The following FRMD4A variants were observed in gnomAD, a reference collection of about 807,000 sequenced individuals.
The protein encoded by FRMD4A is FERM domain-containing protein 4A.
A neutral mutation model predicts 129.1 loss-of-function variants in FRMD4A; 29 were observed. The observed-to-expected ratio is 0.22, with a 90% CI of 0.17 to 0.31. The LOEUF is 0.31. Ranked by LOEUF, FRMD4A falls within the 10% of genes least tolerant of loss-of-function variation. The pLI is 1.00. For missense variants in FRMD4A, 1,272 were observed against 1,375.8 expected (o/e 0.92, Z 1.19); for synonymous variants, 634 against 571.6 (o/e 1.11, Z -1.56).
Position 13,659,489 on chromosome 10 carries a change from T to G in FRMD4A, c.1900A>C (p.Ser634Arg). The G allele has an allele frequency of 6.2e-7, 1 of 1,611,842 alleles. No individual in the cohort carries two copies. Among genetic ancestry groups the G allele is most frequent in the Non-Finnish European group, 8.5e-7 (1 of 1,178,834 alleles). ...CCTGTGCTGGGGAAGCGCTTGTGGC[T>G]GCTGCAAAGCCAAGGATGCCACGTG... is the stretch of plus-strand genomic sequence containing the variant. ...KKRSSHSHSS[S>R]HKRFPSTGSC... Residue 634 changes from serine (S) to arginine (R), a missense_variant and splice_region_variant, in exon 21 of 25, where the codon AGC (serine) becomes CGC (arginine). Coordinates refer to ENST00000357447, the MANE Select transcript of FRMD4A (RefSeq NM_018027.5).
chr10:13,963,127 G>A (rs1027919258), intron 2 of FRMD4A, among the ~76,000 whole-genome samples: 4 of 152,148 alleles, frequency 2.6e-5, no homozygotes, highest in African/African-American at 9.7e-5. Context: ...AAGCACACCA[G>A]TAGAAATGCA....
chr10:13,746,555 A>G (rs1158379464), intron 9 of FRMD4A, among the ~76,000 whole-genome samples: 2 of 152,202 alleles, frequency 1.3e-5, no homozygotes, highest in Non-Finnish European at 2.9e-5. Flanking sequence ...CACACGAATC[A>G]GTGAACAACT....
chr10:14,016,511 C>G (rs529599233), intron 2 of FRMD4A, among the ~76,000 whole-genome samples: 1 of 152,324 alleles, frequency 6.6e-6, no homozygotes, highest in South Asian at 2.1e-4. Context: ...GCTATAAGGT[C>G]CACGTTTCAT....
At chr10:13,680,321 A>C (rs2084431748) in intron 15 of FRMD4A, among the ~76,000 whole-genome samples, 1 of 151,920 alleles carries the variant, frequency 6.6e-6, no homozygotes, top group Non-Finnish European at 1.5e-5. Context: ...AAAAATTCTA[A>C]TTTCAAATCA....
chr10:14,051,982 G>A (rs1206794962), intron 2 of FRMD4A, among the ~76,000 whole-genome samples: 1 of 152,232 alleles, frequency 6.6e-6, no homozygotes, highest in Non-Finnish European at 1.5e-5. Context: ...GGTAACATGA[G>A]GTCACACTGG....
intron 20 of FRMD4A, among the ~76,000 whole-genome samples, 182 bp from the exon 21 acceptor site, chr10:13,659,672 C>T (rs557828279): frequency 6.6e-6 from 1 of 152,084 alleles, no homozygotes; most frequent in African/African-American, 2.4e-5. Flanking sequence ...GCCCTCCCCC[C>T]TCCCAACCTA....
At chr10:14,195,430 T>TA (rs11357658) in intron 2 of FRMD4A, among the ~76,000 whole-genome samples, 5,419 of 146,244 alleles carry the variant, frequency 0.037, 278 homozygotes, top group African/African-American at 0.12. Flanking sequence ...TTTCTTTCAT[T>TA]AAAAAAAAAA....
chr10:14,324,438 AC>A (rs1397022585), intron 2 of FRMD4A, among the ~76,000 whole-genome samples: 1 of 152,174 alleles, frequency 6.6e-6, no homozygotes, highest in Non-Finnish European at 1.5e-5. Context: ...GATAGATGAT[AC>A]TAAATATTAG....
chr10:13,674,704 T>G (rs777024674), intron 16 of FRMD4A, among the ~76,000 whole-genome samples: 1 of 152,180 alleles, frequency 6.6e-6, no homozygotes, highest in Non-Finnish European at 1.5e-5. Context: ...CAAAGCACAT[T>G]AGAGAGGTTT....
chr10:13,867,823 T>TA (rs1421603725), intron 2 of FRMD4A, among the ~76,000 whole-genome samples: 1 of 136,850 alleles, frequency 7.3e-6, no homozygotes. Context: ...CATAATATAA[T>TA]ATATAATATA....
chr10:14,088,477 A>G (rs1163751535), intron 2 of FRMD4A, among the ~76,000 whole-genome samples: 1 of 151,444 alleles, frequency 6.6e-6, no homozygotes, highest in Non-Finnish European at 1.5e-5. Context: ...ACGACGAATC[A>G]GGCCAGGCAC....
intron 2 of FRMD4A, among the ~76,000 whole-genome samples, chr10:14,301,056 A>T (rs10752336): frequency 6.6e-6 from 1 of 152,124 alleles, no homozygotes; most frequent in East Asian, 1.9e-4. Flanking sequence ...CATCCTGCTC[A>T]GTGTGACCAA....
At chr10:13,814,410 C>T (rs1325452423) in intron 3 of FRMD4A, among the ~76,000 whole-genome samples, 2 of 149,808 alleles carry the variant, frequency 1.3e-5, no homozygotes, top group Non-Finnish European at 3.0e-5. Flanking sequence ...CCCATCTCTA[C>T]AAAAAAAAAT....
At chr10:14,081,413 A>G (rs1835920577) in intron 2 of FRMD4A, among the ~76,000 whole-genome samples, 1 of 152,208 alleles carries the variant, frequency 6.6e-6, no homozygotes, top group Non-Finnish European at 1.5e-5. Context: ...AGAACAGACA[A>G]CAAACCCACT....
At chr10:13,652,346 G>T (rs1403089214) in intron 23 of FRMD4A, 1 of 238,626 alleles carries the variant, frequency 4.2e-6, no homozygotes, top group South Asian at 7.7e-5. Context: ...CCTGAGGAGG[G>T]CTTGTACATT....
At chr10:13,789,873 G>A (rs11258614) in intron 5 of FRMD4A, among the ~76,000 whole-genome samples, 37,459 of 149,488 alleles carry the variant, frequency 0.25, 5,323 homozygotes, top group East Asian at 0.42. Flanking sequence ...TGCAAGTCAC[G>A]CTAAAGATGT....
rs527389704 is a variant in FRMD4A, at chr10:13,817,765, T to C, written c.112-6857A>G. Among the ~76,000 whole-genome samples, 6 of 152,314 alleles carry C rather than the reference T, an allele frequency of 3.9e-5. 1 individual carries two copies. Among genetic ancestry groups the C allele is most frequent in the African/African-American group, 7.2e-5 (3 of 41,556 alleles). On this transcript the variant is annotated intron_variant, in intron 3 of 24. Coordinates refer to ENST00000357447, the MANE Select transcript of FRMD4A (RefSeq NM_018027.5). ...TCACTAAACCTCTTTCCTTTATAAA[T>C]TACCCAGTCTCAGGTATGTCTTTAT...
chr10:14,096,772 T>A (rs1836984911), intron 2 of FRMD4A, among the ~76,000 whole-genome samples: 1 of 152,060 alleles, frequency 6.6e-6, no homozygotes, highest in South Asian at 2.1e-4. Context: ...AATGGGAACA[T>A]TACAACAATG....
At chr10:13,809,683 G>C (rs1012526163) in intron 4 of FRMD4A, among the ~76,000 whole-genome samples, 1 of 152,134 alleles carries the variant, frequency 6.6e-6, no homozygotes, top group East Asian at 1.9e-4. Context: ...GCTCCTCCCA[G>C]CTTTCTTGAG....
Sources: gnomAD v4.1 joint callset for allele counts (sites outside exome capture counted in the v4.1 genomes callset) on GRCh38, gnomAD v4.1.1 for gene constraint, MANE v1.5 for transcripts, NCBI Gene and HGNC (gene_info 2026-07-23, HGNC 2026-07-21) for gene names.